The following POTED variants were observed in gnomAD, a reference collection of about 807,000 sequenced individuals.
The protein encoded by POTED is POTE ankyrin domain family member D.
Under a neutral mutation model 19.0 loss-of-function variants are expected in POTED, and 7 were observed. That is an observed-to-expected ratio of 0.37 (90% CI 0.21 to 0.69). The LOEUF (loss-of-function observed/expected upper bound fraction) is 0.69. Ranked by LOEUF, POTED falls within the 30% of genes least tolerant of loss-of-function variation. The probability of loss-of-function intolerance (pLI) is 0.56; values close to 1 mark genes in which losing one functional copy is unlikely to be tolerated. For synonymous variants in POTED, 16 were observed against 92.0 expected, an observed-to-expected ratio of 0.17 and a Z score of 4.73; for missense variants, 54 against 278.5, an observed-to-expected ratio of 0.19 and a Z score of 5.74.
Position 13,631,513 on chromosome 21 carries a change from G to C in POTED, c.1409+406G>C, listed in dbSNP as rs1391079359. ...TCCTGCCACACTCCACCCTCAAGTA[G>C]ACCCTGGTGTCTGTTATTCTCCTCT... On this transcript the variant is annotated intron_variant, in intron 9 of 10. Coordinates refer to ENST00000299443, the MANE Select transcript of POTED (RefSeq NM_174981.6). 1.3e-4 allele frequency among the ~76,000 whole-genome samples: 10 copies of C among 75,334 alleles called. 4 individuals are homozygous for C. The South Asian group carries it at 3.1e-3, about 23-fold the overall frequency. The allele number at this position is 75,334 out of a possible 152,430, so 49.4% of individuals were successfully genotyped here.
intron 4 of POTED, among the ~76,000 whole-genome samples, chr21:13,619,471 A>G (rs1189890756): frequency 1.4e-5 from 1 of 72,530 alleles, no homozygotes; most frequent in Non-Finnish European, 2.4e-5. Context: ...CTAGCTGGGC[A>G]TGGAAAAAAA....
At position 13,645,407 on chromosome 21, in the gene POTED, T is replaced by C. The variant is rs868756316; in HGVS notation, c.*3841T>C. ...TTAGCAGACCTCTCAACTGAAACTG[T>C]ACAAGCCAGAAAAGACATTCAACAT... On this transcript the variant is annotated 3_prime_UTR_variant, in exon 11 of 11. Coordinates refer to ENST00000299443, the MANE Select transcript of POTED (RefSeq NM_174981.6). Among the ~76,000 whole-genome samples, 121 of 130,926 alleles carry C rather than the reference T, an allele frequency of 9.2e-4. 3 individuals carry two copies. In the South Asian group the frequency reaches 0.027, roughly 29 times the overall value. 85.9% of individuals were successfully genotyped at this position (130,926 alleles called of 152,430 possible).
In POTED at chr21:13,643,410, G is replaced by C. The variant is rs1423025103; in HGVS notation, c.*1844G>C. 6.6e-5 allele frequency among the ~76,000 whole-genome samples: 5 copies of C among 76,324 alleles called. 2 individuals carry two copies. The highest frequency in any genetic ancestry group is 5.5e-4 in the African/African-American group (5 of 9,108). 50.1% of individuals were successfully genotyped at this position (76,324 alleles called of 152,430 possible). On this transcript the variant is annotated 3_prime_UTR_variant, in exon 11 of 11. Coordinates refer to ENST00000299443, the MANE Select transcript of POTED (RefSeq NM_174981.6). ...CCAGCCCCATCTCACATGCAGGATTGCCCAGCACAGATCAGGTCTAAGAGT... is the reference window on the plus strand; with the variant it reads ...CCAGCCCCATCTCACATGCAGGATTCCCCAGCACAGATCAGGTCTAAGAGT...
Position 13,619,394 on chromosome 21 carries a change from A to G in POTED, c.918-764A>G, listed in dbSNP as rs2011165831. Among the ~76,000 whole-genome samples, 2 of 78,820 alleles carry G rather than the reference A, an allele frequency of 2.5e-5. 1 individual carries two copies. Among genetic ancestry groups the G allele is most frequent in the Admixed American group, 2.2e-4 (2 of 9,170 alleles). 51.7% of individuals were successfully genotyped at this position (78,820 alleles called of 152,430 possible). On this transcript the variant is annotated intron_variant, in intron 4 of 10. Transcript: ENST00000299443. ...TGTAACTAACCTGCACAATGTGCACATGTACCCTAAAACTTAAAGTATAAT... is the reference window on the plus strand; with the variant it reads ...TGTAACTAACCTGCACAATGTGCACGTGTACCCTAAAACTTAAAGTATAAT...
rs762316835 is a variant in POTED, at chr21:13,610,759, C to T, written c.521+10C>T. 1.9e-6 allele frequency: 2 copies of T among 1,073,488 alleles called. No individual in the cohort carries two copies. Among genetic ancestry groups the T allele is most frequent in the South Asian group, 3.2e-5 (2 of 62,786 alleles). The allele number at this position is 1,073,488 out of a possible 1,614,324, so 66.5% of individuals were successfully genotyped here. On this transcript the variant is annotated intron_variant, in intron 1 of 10. Transcript: ENST00000299443. ...GGGACAAGGAAAAGAGGTAACCGGG[C>T]CTGGGATGGGAGGAGGCAGGACATG...
intron 6 of POTED, among the ~76,000 whole-genome samples, chr21:13,626,110 GAGAA>G (rs973231536): frequency 9.7e-5 from 2 of 20,540 alleles, no homozygotes; most frequent in Non-Finnish European, 1.4e-4. Flanking sequence ...AAAAGAGTAA[GAGAA>G]AGAGTGTTTT....
intron 10 of POTED, among the ~76,000 whole-genome samples, chr21:13,640,575 A>C (rs1419707220): frequency 1.3e-5 from 1 of 76,068 alleles, no homozygotes; most frequent in Non-Finnish European, 2.3e-5. Context: ...TTCTAGATGG[A>C]GTCTTGCACT....
In POTED at chr21:13,609,916, C is replaced by T; in HGVS notation, c.-313C>T. The T allele has an allele frequency of 4.5e-6, 1 of 220,202 alleles. No individual in the cohort carries two copies. The highest frequency in any genetic ancestry group is 6.5e-5 in the Admixed American group (1 of 15,388). The allele number at this position is 220,202 out of a possible 1,614,324, so 13.6% of individuals were successfully genotyped here. ...GCGTTTTCTCCCTCGCATTCCTTTG[C>T]TGGGCCTGAATTTTTCTCTGCTGGG... On this transcript the variant is annotated 5_prime_UTR_variant, in exon 1 of 11. Coordinates refer to ENST00000299443, the MANE Select transcript of POTED (RefSeq NM_174981.6).
At chr21:13,640,523 CGTGTGTGTGT>C (rs563854848) in intron 10 of POTED, among the ~76,000 whole-genome samples, 1 of 75,408 alleles carries the variant, frequency 1.3e-5, no homozygotes, top group Admixed American at 1.1e-4. Context: ...TGCATATATA[CGTGTGTGTGT>C]GTGTGTGTGT....
In POTED at chr21:13,645,635, TAC is replaced by T. The variant is rs529847566; in HGVS notation, c.*4073_*4074del. Among the ~76,000 whole-genome samples, 29 of 91,174 alleles carry T rather than the reference TAC, an allele frequency of 3.2e-4. 3 individuals carry two copies. The South Asian group carries it at 9.0e-3, about 28-fold the overall frequency. 59.8% of individuals were successfully genotyped at this position (91,174 alleles called of 152,430 possible). A position where few individuals can be genotyped will look rare whatever the true frequency, so the allele number is the denominator to read the frequency against. On this transcript the variant is annotated 3_prime_UTR_variant, in exon 11 of 11. Transcript: ENST00000299443. ...CAGCCACTACAGAAACACACTGAAG[TAC>T]ACAGACAAGTGATGCTAAAAACCAA...
chr21:13,637,006 T>TATATATATATATATATATATA (rs1568899102), intron 9 of POTED, among the ~76,000 whole-genome samples: 16 of 9,944 alleles, frequency 1.6e-3, no homozygotes, highest in Admixed American at 3.0e-3. Context: ...ATATATATAT[T>TATATATATATATATATATATA]TTTTTTTTTT....
In POTED at chr21:13,645,126, G is replaced by C. The variant is rs1267096614; in HGVS notation, c.*3560G>C. On this transcript the variant is annotated 3_prime_UTR_variant, in exon 11 of 11. Coordinates refer to ENST00000299443, the MANE Select transcript of POTED (RefSeq NM_174981.6). ...ACGACCAAATCTATGACTGATTAAT[G>C]TACCTGAAAGAGATGAGAATGGAAC... is the stretch of plus-strand genomic sequence containing the variant. Among the ~76,000 whole-genome samples the C allele has an allele frequency of 1.9e-4, 24 of 128,734 alleles. 2 individuals are homozygous for C. Among genetic ancestry groups the C allele is most frequent in the African/African-American group, 7.2e-4 (22 of 30,432 alleles). The allele number at this position is 128,734 out of a possible 152,430, so 84.5% of individuals were successfully genotyped here.
rs1481200854 is a variant in POTED, at chr21:13,637,004, A to ATATT, written c.1410-2510_1410-2509insATTT. On this transcript the variant is annotated intron_variant, in intron 9 of 10. Coordinates refer to ENST00000299443, the MANE Select transcript of POTED (RefSeq NM_174981.6). ...TACCCAGTCTCAGGTATATATATAT[A>ATATT]TTTTTTTTTTTTTTTCTTTATTCCA... Among the ~76,000 whole-genome samples the ATATT allele has an allele frequency of 2.4e-4, 4 of 16,470 alleles. 1 individual carries two copies. Among genetic ancestry groups the ATATT allele is most frequent in the Non-Finnish European group, 3.9e-4 (4 of 10,274 alleles). The allele number at this position is 16,470 out of a possible 152,430, so 10.8% of individuals were successfully genotyped here.
In POTED at chr21:13,639,630, A is replaced by G; in HGVS notation, c.1525A>G (p.Asn509Asp). ...KQIEVAEQKMNSELSLSHKKE... is the reference protein window; with the variant it reads ...KQIEVAEQKMDSELSLSHKKE... The stretch of plus-strand genomic sequence containing the variant: ...GATAGAAGTGGCTGAACAGAAAATG[A>G]ATTCTGAGGTATTTTCTTTAGTCAT... Residue 509 changes from asparagine (N) to aspartate (D), a missense_variant, in exon 10 of 11, where the codon AAT becomes GAT. Asn to Asp is a conservative substitution (Grantham distance 23). Coordinates refer to ENST00000299443, the MANE Select transcript of POTED (RefSeq NM_174981.6). The G allele has an allele frequency of 4.8e-6, 3 of 620,888 alleles. 1 individual carries two copies. Among genetic ancestry groups the G allele is most frequent in the Non-Finnish European group, 6.5e-6 (3 of 459,210 alleles). 38.5% of individuals were successfully genotyped at this position (620,888 alleles called of 1,614,324 possible).
rs2011263684 is a variant in POTED at position 13,640,518 on chromosome 21, A to G, written c.1534-827A>G. Among the ~76,000 whole-genome samples, 2 of 81,060 alleles carry G rather than the reference A, an allele frequency of 2.5e-5. 1 individual carries two copies. The highest frequency in any genetic ancestry group is 1.9e-4 in the African/African-American group (2 of 10,712). The allele number at this position is 81,060 out of a possible 152,430, so 53.2% of individuals were successfully genotyped here. A position where few individuals can be genotyped will look rare whatever the true frequency, so the allele number is the denominator to read the frequency against. On this transcript the variant is annotated intron_variant, in intron 10 of 10. Coordinates refer to ENST00000299443, the MANE Select transcript of POTED (RefSeq NM_174981.6). ...CTGGCAAAAATCCTGCACGTTGCAT[A>G]TATACGTGTGTGTGTGTGTGTGTGT...
chr21:13,634,391 A>C lies in POTED; in HGVS notation c.1409+3284A>C, dbSNP rs2011226544. On this transcript the variant is annotated intron_variant, in intron 9 of 10. Transcript: ENST00000299443. Reference sequence around the variant, plus strand: ...ACTCAGTGGATGTATTTAAAGCATAAGTCAAATTGTGTCATTCCTCTGCCC... The same window carrying C: ...ACTCAGTGGATGTATTTAAAGCATACGTCAAATTGTGTCATTCCTCTGCCC... 4.9e-5 allele frequency among the ~76,000 whole-genome samples: 4 copies of C among 82,064 alleles called. 2 individuals carry two copies. Among genetic ancestry groups the C allele is most frequent in the African/African-American group, 3.7e-4 (4 of 10,728 alleles). 53.8% of individuals were successfully genotyped at this position (82,064 alleles called of 152,430 possible). A position where few individuals can be genotyped will look rare whatever the true frequency, so the allele number is the denominator to read the frequency against.
intron 6 of POTED, among the ~76,000 whole-genome samples, chr21:13,623,719 C>T (rs956212334): frequency 5.1e-5 from 1 of 19,458 alleles, no homozygotes; most frequent in African/African-American, 3.9e-4. Context: ...ACAAATTGCC[C>T]AATTCTAGGC....
In POTED at chr21:13,645,291, G is replaced by A. The variant is rs2334603; in HGVS notation, c.*3725G>A. On this transcript the variant is annotated 3_prime_UTR_variant, in exon 11 of 11. Coordinates refer to ENST00000299443, the MANE Select transcript of POTED (RefSeq NM_174981.6). ...AAGATCATCCCCAAGACACATAATC[G>A]TCAGATTTTCTGAGGTCAAAATAAA... 1.8e-4 allele frequency among the ~76,000 whole-genome samples: 25 copies of A among 135,150 alleles called. 3 individuals are homozygous for A. Among genetic ancestry groups the A allele is most frequent in the Admixed American group, 3.6e-4 (5 of 13,872 alleles). 88.7% of individuals were successfully genotyped at this position (135,150 alleles called of 152,430 possible). A position where few individuals can be genotyped will look rare whatever the true frequency, so the allele number is the denominator to read the frequency against.
At chr21:13,637,005 T>TATATATATATA (rs1491152956) in intron 9 of POTED, among the ~76,000 whole-genome samples, 4 of 12,364 alleles carry the variant, frequency 3.2e-4, no homozygotes, top group Admixed American at 1.1e-3. Context: ...TATATATATA[T>TATATATATATA]TTTTTTTTTT....
Sources: gnomAD v4.1 joint callset for allele counts (sites outside exome capture counted in the v4.1 genomes callset) on GRCh38, gnomAD v4.1.1 for gene constraint, MANE v1.5 for transcripts, NCBI Gene and HGNC (gene_info 2026-07-23, HGNC 2026-07-21) for gene names.